Variants in CSMD1 observed in about 807,000 individuals in gnomAD.
CSMD1 encodes CUB and sushi domain-containing protein 1.
In CSMD1, 213 loss-of-function variants were observed where a neutral mutation model predicts 417.5. That is an observed-to-expected ratio of 0.51 (90% confidence interval 0.46 to 0.57). The LOEUF (loss-of-function observed/expected upper bound fraction) is 0.57. Ranked by LOEUF, CSMD1 falls within the 20% of genes least tolerant of loss-of-function variation. CSMD1 has a pLI of 0.00. For missense variants in CSMD1, 6,923 were observed against 4,529.7 expected (o/e 1.53, Z -15.17); for synonymous variants, 2,862 against 1,736.8 (o/e 1.65, Z -16.11).
chr8:3,313,274 C>T (rs1028852745), intron 23 of CSMD1, among the ~76,000 whole-genome samples: 5 of 152,126 alleles, frequency 3.3e-5, no homozygotes, highest in South Asian at 4.1e-4. Flanking sequence ...CAAATGGGAT[C>T]GGATTAAACT....
At chr8:4,800,302 A>G (rs1798208345) in intron 1 of CSMD1, among the ~76,000 whole-genome samples, 1 of 151,962 alleles carries the variant, frequency 6.6e-6, no homozygotes, top group South Asian at 2.1e-4. Flanking sequence ...ATGGTGGTGC[A>G]CACATGTAAT....
intron 65 of CSMD1, among the ~76,000 whole-genome samples, chr8:2,953,263 C>T (rs1237670813): frequency 6.6e-6 from 1 of 151,998 alleles, no homozygotes; most frequent in East Asian, 1.9e-4. Flanking sequence ...ATTTTATATT[C>T]TTTATTATTC....
At chr8:4,785,844 A>C (rs1032351220) in intron 1 of CSMD1, among the ~76,000 whole-genome samples, 5 of 152,128 alleles carry the variant, frequency 3.3e-5, no homozygotes, top group African/African-American at 1.2e-4. Flanking sequence ...GAAATGATTA[A>C]AGATGTTCTT....
At chr8:3,785,764 C>T (rs764728748) in intron 5 of CSMD1, among the ~76,000 whole-genome samples, 1 of 151,978 alleles carries the variant, frequency 6.6e-6, no homozygotes, top group Non-Finnish European at 1.5e-5. Flanking sequence ...GCCTATGGTG[C>T]CCCAGGAACC....
At chr8:3,563,260 CTT>C (rs1799550145) in intron 10 of CSMD1, among the ~76,000 whole-genome samples, 1 of 151,766 alleles carries the variant, frequency 6.6e-6, no homozygotes, top group African/African-American at 2.4e-5. Flanking sequence ...ATTTTAGTGA[CTT>C]TTCTCACACT....
chr8:4,870,915 G>A (rs1802699511), intron 1 of CSMD1, among the ~76,000 whole-genome samples: 1 of 152,262 alleles, frequency 6.6e-6, no homozygotes, highest in Admixed American at 6.5e-5. Context: ...CATGGAGCCA[G>A]GTATCACACA....
intron 3 of CSMD1, among the ~76,000 whole-genome samples, chr8:4,147,737 G>A (rs1313802089): frequency 1.3e-5 from 2 of 152,044 alleles, no homozygotes; most frequent in African/African-American, 4.8e-5. Flanking sequence ...GCTCACCTAG[G>A]TTAACAACCC....
intron 25 of CSMD1, among the ~76,000 whole-genome samples, chr8:3,306,427 G>A (rs1196239573): frequency 1.3e-5 from 2 of 151,992 alleles, no homozygotes; most frequent in African/African-American, 2.4e-5. Context: ...ACCCACCTCG[G>A]CCTCCCAAAG....
chr8:4,552,950 G>T (rs73182990), intron 2 of CSMD1, among the ~76,000 whole-genome samples: 1 of 152,048 alleles, frequency 6.6e-6, no homozygotes, highest in Non-Finnish European at 1.5e-5. Flanking sequence ...CTTCCCTCCC[G>T]TCTCTTTCTG....
At position 4,012,404 on chromosome 8, in the gene CSMD1, G is replaced by A. The variant is rs577308458; in HGVS notation, c.611-14294C>T. Among the ~76,000 whole-genome samples, 9 of 152,080 alleles carry A rather than the reference G, an allele frequency of 5.9e-5. No homozygotes were observed. The East Asian group carries it at 7.7e-4, about 13-fold the overall frequency. On this transcript the variant is annotated intron_variant, in intron 4 of 69. Coordinates refer to ENST00000635120, the MANE Select transcript of CSMD1 (RefSeq NM_033225.6). ...TTGTTGATCTCATCCAGTTTGCGTC[G>A]CGTGGATTTATTTTTATGTTTTATT...
At position 4,166,628 on chromosome 8, in the gene CSMD1, G is replaced by C. The variant is rs148041835; in HGVS notation, c.416-134529C>G. ...GGTGAACTGTAGGATGGGAGCAGGG[G>C]ACAGAAGACTGCATATTGGGTACCG... On this transcript the variant is annotated intron_variant, in intron 3 of 69. Coordinates refer to ENST00000635120, the MANE Select transcript of CSMD1 (RefSeq NM_033225.6). Among the ~76,000 whole-genome samples the C allele has an allele frequency of 2.3e-4, 35 of 152,220 alleles. No individual in the cohort carries two copies. The East Asian group carries it at 6.6e-3, about 29-fold the overall frequency.
chr8:4,407,250 G>A (rs1805093718), intron 3 of CSMD1, among the ~76,000 whole-genome samples: 2 of 152,158 alleles, frequency 1.3e-5, no homozygotes, highest in Non-Finnish European at 2.9e-5. Context: ...TCAATGGAAT[G>A]TTTAAAAAAT....
intron 3 of CSMD1, among the ~76,000 whole-genome samples, chr8:4,230,357 A>G (rs976209339): frequency 6.6e-6 from 1 of 152,166 alleles, no homozygotes; most frequent in East Asian, 1.9e-4. Context: ...AGCCGAGTAA[A>G]CTCTGGTGAC....
At chr8:3,417,829 T>C (rs989261130) in intron 12 of CSMD1, among the ~76,000 whole-genome samples, 2 of 152,130 alleles carry the variant, frequency 1.3e-5, no homozygotes, top group Non-Finnish European at 2.9e-5. Flanking sequence ...CTACAGACCC[T>C]GTTTTTTGGA....
In CSMD1 at chr8:4,301,428, T is replaced by C. The variant is rs527723493; in HGVS notation, c.415+118525A>G. ...CCAGGATGGTACTGGGAAAGATATG[T>C]TTTATCTCCTGTAACAACTCTTCAG... On this transcript the variant is annotated intron_variant, in intron 3 of 69. Coordinates refer to ENST00000635120, the MANE Select transcript of CSMD1 (RefSeq NM_033225.6). Among the ~76,000 whole-genome samples, 114 of 152,278 alleles carry C rather than the reference T, an allele frequency of 7.5e-4. 1 individual carries two copies. The highest frequency in any genetic ancestry group is 2.6e-3 in the African/African-American group (110 of 41,554).
intron 1 of CSMD1, among the ~76,000 whole-genome samples, chr8:4,698,048 G>C (rs1429246686): frequency 6.6e-6 from 1 of 151,742 alleles, no homozygotes; most frequent in Non-Finnish European, 1.5e-5. Context: ...AATTGGAAGG[G>C]TTCATCAAAA....
At chr8:3,331,153 G>C (rs1449830052) in intron 23 of CSMD1, among the ~76,000 whole-genome samples, 1 of 151,368 alleles carries the variant, frequency 6.6e-6, no homozygotes, top group Admixed American at 6.6e-5. Context: ...CAGGAGAATG[G>C]TGTGAACCCG....
At chr8:3,664,968 G>C (rs1038224356) in intron 7 of CSMD1, among the ~76,000 whole-genome samples, 1 of 151,948 alleles carries the variant, frequency 6.6e-6, no homozygotes, top group African/African-American at 2.4e-5. Flanking sequence ...TTCTTTAAAA[G>C]TGACTTTCCT....
chr8:3,629,110 A>G (rs1468600671), intron 7 of CSMD1, among the ~76,000 whole-genome samples: 1 of 152,140 alleles, frequency 6.6e-6, no homozygotes, highest in Non-Finnish European at 1.5e-5. Context: ...GGGTGTGCAG[A>G]GGAGACACCT....
Sources: gnomAD v4.1 joint callset for allele counts (sites outside exome capture counted in the v4.1 genomes callset) on GRCh38, gnomAD v4.1.1 for gene constraint, MANE v1.5 for transcripts, NCBI Gene and HGNC (gene_info 2026-07-23, HGNC 2026-07-21) for gene names.